IFTAP: variants seen among roughly 807,000 people sequenced by gnomAD.
IFTAP encodes the protein intraflagellar transport associated protein.
Under a neutral mutation model 19.4 loss-of-function variants are expected in IFTAP, and 19 were observed. That is an observed-to-expected ratio of 0.98 (90% CI 0.68 to 1.44). IFTAP has a LOEUF of 1.44. Among genes scored for constraint, IFTAP ranks in the 40% most tolerant of loss-of-function variants. The pLI is 0.00. For missense variants in IFTAP, 240 were observed against 253.6 expected (o/e 0.95, Z 0.36); for synonymous variants, 85 against 83.5 (o/e 1.02, Z -0.10).
At chr11:36,619,141 G>A (rs1375899862) in intron 2 of IFTAP, among the ~76,000 whole-genome samples, 1 of 151,644 alleles carries the variant, frequency 6.6e-6, no homozygotes, top group South Asian at 2.1e-4. Context: ...TTTATTGAGC[G>A]TTCGTTCTGT....
At chr11:36,630,786 T>G (rs1852696996) in intron 2 of IFTAP, among the ~76,000 whole-genome samples, 1 of 151,362 alleles carries the variant, frequency 6.6e-6, no homozygotes, top group African/African-American at 2.5e-5. Context: ...TAGGTTATAC[T>G]TGATTTAAAG....
At chr11:36,653,220 A>G (rs998061577) in intron 5 of IFTAP, among the ~76,000 whole-genome samples, 1 of 152,166 alleles carries the variant, frequency 6.6e-6, no homozygotes, top group African/African-American at 2.4e-5. Flanking sequence ...GGTACTATGA[A>G]TGAAAACAAT....
intron 4 of IFTAP, among the ~76,000 whole-genome samples, chr11:36,646,182 C>T (rs1357552629): frequency 6.6e-6 from 1 of 152,174 alleles, no homozygotes; most frequent in Non-Finnish European, 1.5e-5. Context: ...TTGTCCTCCT[C>T]ACTGCACAAT....
chr11:36,643,685 A>G (rs1853334988), intron 4 of IFTAP, among the ~76,000 whole-genome samples: 1 of 152,228 alleles, frequency 6.6e-6, no homozygotes, highest in Non-Finnish European at 1.5e-5. Flanking sequence ...GCCCTCAGAA[A>G]TAATACCATG....
chr11:36,621,016 A>G (rs1852269876), intron 2 of IFTAP, among the ~76,000 whole-genome samples: 1 of 152,068 alleles, frequency 6.6e-6, no homozygotes, highest in Non-Finnish European at 1.5e-5. Flanking sequence ...ATAGTTAAAT[A>G]AACTTTTAAG....
intron 5 of IFTAP, among the ~76,000 whole-genome samples, chr11:36,652,592 G>T (rs1035912951): frequency 6.6e-6 from 1 of 152,062 alleles, no homozygotes; most frequent in African/African-American, 2.4e-5. Context: ...ACACTATGTT[G>T]AATAGGAGTG....
At position 36,648,078 on chromosome 11, in the gene IFTAP, C is replaced by A; in HGVS notation, c.421C>A (p.Pro141Thr). Reference protein sequence around the residue: ...DVSTSIPSCIPFVAQPPTCEV... With the variant: ...DVSTSIPSCITFVAQPPTCEV... ...AAGCACCAGCATTCCTTCCTGTATC[C>A]CTTTTGTGGCCCAGCCTCCTACCTG... The change falls in exon 5 of 6, where the codon CCT becomes ACT. Residue 141 changes from proline to threonine, a missense_variant. Pro to Thr is a conservative substitution (Grantham distance 38). Coordinates refer to ENST00000334307, the MANE Select transcript of IFTAP (RefSeq NM_138787.4). The A allele has an allele frequency of 6.2e-7, 1 of 1,613,368 alleles. No individual in the cohort carries two copies. The highest frequency in any genetic ancestry group is 8.5e-7 in the Non-Finnish European group (1 of 1,179,568).
chr11:36,626,374 G>A (rs1342463000), intron 2 of IFTAP, among the ~76,000 whole-genome samples: 1 of 151,214 alleles, frequency 6.6e-6, no homozygotes, highest in African/African-American at 2.5e-5. Context: ...TAAGGGACTA[G>A]ATTATATGTT....
chr11:36,609,860 T>C (rs974649413), intron 1 of IFTAP, among the ~76,000 whole-genome samples: 2 of 152,166 alleles, frequency 1.3e-5, no homozygotes, highest in Non-Finnish European at 2.9e-5. Flanking sequence ...AAGAAGATAG[T>C]AATGAGCAGA....
At position 36,642,287 on chromosome 11, in the gene IFTAP, C is replaced by T. The variant is rs1369940590; in HGVS notation, c.359-5729C>T. On this transcript the variant is annotated intron_variant, in intron 4 of 5. Coordinates refer to ENST00000334307, the MANE Select transcript of IFTAP (RefSeq NM_138787.4). The stretch of plus-strand genomic sequence containing the variant: ...ATGAATAAATTCCTGGACACATACA[C>T]CCTTCCAAGACTAAACCAGGAAGAA... Among the ~76,000 whole-genome samples, 2 of 152,268 alleles carry T rather than the reference C, an allele frequency of 1.3e-5. 1 individual carries two copies. Among genetic ancestry groups the T allele is most frequent in the East Asian group, 3.9e-4 (2 of 5,180 alleles).
intron 4 of IFTAP, among the ~76,000 whole-genome samples, chr11:36,638,586 G>A (rs531382304): frequency 1.3e-5 from 2 of 152,292 alleles, no homozygotes; most frequent in Non-Finnish European, 2.9e-5. Flanking sequence ...GTGCCAAGGC[G>A]AATTTTAGTT....
intron 2 of IFTAP, among the ~76,000 whole-genome samples, chr11:36,612,955 TGTG>T (rs1188187368): frequency 6.6e-6 from 1 of 152,112 alleles, no homozygotes; most frequent in Non-Finnish European, 1.5e-5. Context: ...GATTACGTTT[TGTG>T]GTTTTTTCTT....
intron 1 of IFTAP, among the ~76,000 whole-genome samples, chr11:36,606,895 A>G (rs1232899169): frequency 1.3e-5 from 2 of 152,330 alleles, no homozygotes; most frequent in Admixed American, 6.5e-5. Flanking sequence ...TTTACTTATC[A>G]TTATTTACTG....
chr11:36,635,771 C>A (rs969527645), intron 3 of IFTAP, among the ~76,000 whole-genome samples: 1 of 152,098 alleles, frequency 6.6e-6, no homozygotes, highest in Non-Finnish European at 1.5e-5. Context: ...GAACAAAGTC[C>A]CTTTTAAAAA....
rs114428825 is a variant in IFTAP at position 36,622,800 on chromosome 11, T to G, written c.137-10484T>G. On this transcript the variant is annotated intron_variant, in intron 2 of 5. Coordinates refer to ENST00000334307, the MANE Select transcript of IFTAP (RefSeq NM_138787.4). ...ATGAAAGGAATCTTGAATGTAAATATAAAAAATGTAAAATATTGTCTACAG... is the reference window on the plus strand; with the variant it reads ...ATGAAAGGAATCTTGAATGTAAATAGAAAAAATGTAAAATATTGTCTACAG... 3.3e-5 allele frequency among the ~76,000 whole-genome samples: 5 copies of G among 152,126 alleles called. No homozygotes were observed. In the East Asian group the frequency reaches 7.7e-4, roughly 23 times the overall value.
At chr11:36,600,621 G>A (rs1391647568) in intron 1 of IFTAP, among the ~76,000 whole-genome samples, 1 of 152,200 alleles carries the variant, frequency 6.6e-6, no homozygotes, top group African/African-American at 2.4e-5. Context: ...CTGCCTTAAA[G>A]AACATATATG....
At chr11:36,632,797 G>T (rs1236373387) in intron 2 of IFTAP, among the ~76,000 whole-genome samples, 1 of 151,242 alleles carries the variant, frequency 6.6e-6, no homozygotes, top group East Asian at 1.9e-4. Context: ...TGGATTTTTA[G>T]AAGTGCATGG....
chr11:36,610,154 C>T lies in IFTAP; in HGVS notation c.51C>T (p.Ile17=), dbSNP rs763820764. The T allele has an allele frequency of 9.3e-6, 15 of 1,611,796 alleles. No homozygotes were observed. Among genetic ancestry groups the T allele is most frequent in the Non-Finnish European group, 1.7e-6 (2 of 1,178,108 alleles). Residue 17 remains isoleucine (I), a synonymous_variant, in exon 2 of 6, where the codon ATC becomes ATT. Transcript: ENST00000334307. ...GLEIMDEDQL[I]KDVLDKFLNC... ...AAATAATGGATGAAGATCAATTAAT[C>T]AAAGACGTCTTGGATAAATTCCTTA... is the stretch of plus-strand genomic sequence containing the variant.
intron 2 of IFTAP, among the ~76,000 whole-genome samples, chr11:36,625,371 T>C (rs1349576785): frequency 1.3e-5 from 2 of 152,186 alleles, no homozygotes; most frequent in Non-Finnish European, 2.9e-5. Context: ...AAAGTGGGCT[T>C]ATGCTACACA....
Sources: allele counts gnomAD v4.1 joint callset (sites outside exome capture counted in the v4.1 genomes callset), GRCh38; gene constraint gnomAD v4.1.1; transcripts MANE v1.5; gene names NCBI Gene and HGNC (gene_info 2026-07-23, HGNC 2026-07-21).